Variants in MROH1 observed in about 807,000 individuals in gnomAD.
MROH1 encodes maestro heat-like repeat-containing protein family member 1.
MROH1 carries 117 observed loss-of-function variants against 116.5 expected under a neutral mutation model. The ratio of observed to expected loss-of-function variants is 1.00; its 90% CI spans 0.86 to 1.17. The LOEUF is 1.17. Among genes scored for constraint, MROH1 ranks in the 50% most tolerant of loss-of-function variants. MROH1 has a pLI of 0.00. For synonymous variants in MROH1, 921 were observed against 583.9 expected (o/e 1.58, Z -8.32); for missense variants, 1,873 against 1,338.5 (o/e 1.40, Z -6.23).
At chr8:144,155,214 G>C (rs893551939) in intron 1 of MROH1, among the ~76,000 whole-genome samples, 1 of 152,112 alleles carries the variant, frequency 6.6e-6, no homozygotes, top group East Asian at 1.9e-4. Flanking sequence ...GCCTCCCAAA[G>C]TGCTGGGATT....
chr8:144,171,791 C>T (rs1024576086), intron 4 of MROH1, among the ~76,000 whole-genome samples: 15 of 152,156 alleles, frequency 9.9e-5, no homozygotes, highest in African/African-American at 3.4e-4. Flanking sequence ...ACCTGATGAC[C>T]GCCTGACATT....
Position 144,180,603 on chromosome 8 carries a change from G to A in MROH1, c.562+80G>A. Reference sequence around the variant, plus strand: ...TCCCGGGCATGCCTGTTTTAGGGGGGACAGGTGGGCACTTTAGGCTGCAGG... The same window carrying A: ...TCCCGGGCATGCCTGTTTTAGGGGGAACAGGTGGGCACTTTAGGCTGCAGG... On this transcript the variant is annotated intron_variant, in intron 7 of 43. Transcript: ENST00000326134. The surrounding 1 kb of genome is among the most constrained non-coding windows in gnomAD (Gnocchi z 7.4). The A allele has an allele frequency of 2.9e-6, 4 of 1,367,360 alleles. No individual in the cohort carries two copies. The highest frequency in any genetic ancestry group is 4.0e-6 in the Non-Finnish European group (4 of 990,654). The allele number at this position is 1,367,360 out of a possible 1,614,324, so 84.7% of individuals were successfully genotyped here.
intron 1 of MROH1, among the ~76,000 whole-genome samples, chr8:144,157,779 G>A (rs1047661053): frequency 7.4e-5 from 11 of 148,326 alleles, no homozygotes; most frequent in Non-Finnish European, 1.5e-4. Context: ...CCAGGCTCAC[G>A]TGGTCCTTCC....
intron 1 of MROH1, among the ~76,000 whole-genome samples, chr8:144,151,883 G>A (rs1007423598): frequency 6.6e-5 from 10 of 152,222 alleles, no homozygotes; most frequent in Admixed American, 2.6e-4. Flanking sequence ...CCGCAGCACC[G>A]TGCTGCACTG....
rs1255771800 is a variant in MROH1 at position 144,227,481 on chromosome 8, C to CA, written c.1338+4257dup. On this transcript the variant is annotated intron_variant, in intron 14 of 43. Transcript: ENST00000326134. Reference sequence around the variant, plus strand: ...ACAATCTGGCGAAACCCCATTTCCACAAAAAATACAAAAATTAGCTGGGTA... The same window carrying CA: ...ACAATCTGGCGAAACCCCATTTCCACAAAAAAATACAAAAATTAGCTGGGTA... 3.9e-5 allele frequency among the ~76,000 whole-genome samples: 6 copies of CA among 152,024 alleles called. No individual in the cohort carries two copies. In the South Asian group the frequency reaches 6.2e-4, roughly 16 times the overall value.
At position 144,223,211 on chromosome 8, in the gene MROH1, C is replaced by T. The variant is rs776791414; in HGVS notation, c.1319C>T (p.Ala440Val). Residue 440 changes from alanine (A) to valine (V), a missense_variant, in exon 14 of 44, where the codon GCG (alanine) becomes GTG (valine). Transcript: ENST00000326134. ...ATCGAGTACATCGTGCAGCAGTGCG[C>T]GCTGCCCCCCGAGCAGGAGGTAAGG... ...AMIEYIVQQC[A>V]LPPEQEPEKP... 83 of 1,606,584 alleles carry T rather than the reference C, an allele frequency of 5.2e-5. No homozygotes were observed. Among genetic ancestry groups the T allele is most frequent in the Non-Finnish European group, 6.5e-5 (76 of 1,177,060 alleles).
chr8:144,192,439 C>A, intron 10 of MROH1, 38 bp downstream of exon 10: 1 of 1,517,776 alleles, frequency 6.6e-7, no homozygotes, highest in Non-Finnish European at 8.9e-7. Flanking sequence ...CCAGGTTCTG[C>A]ACACCCTTCC....
intron 32 of MROH1, among the ~76,000 whole-genome samples, chr8:144,249,697 T>C (rs1842515295): frequency 9.2e-6 from 1 of 109,214 alleles, no homozygotes; most frequent in East Asian, 2.7e-4. Context: ...AGTCGCAAAC[T>C]CACAGCCCCC....
chr8:144,255,317 C>T (rs958066616), intron 34 of MROH1, among the ~76,000 whole-genome samples, 192 bp from the exon 35 acceptor site: 1 of 152,354 alleles, frequency 6.6e-6, no homozygotes, highest in East Asian at 1.9e-4. Flanking sequence ...GCCCCTCTGT[C>T]CCTGTCTCCT....
At chr8:144,192,707 C>T in intron 10 of MROH1, 1 of 539,298 alleles carries the variant, frequency 1.9e-6, no homozygotes, top group Non-Finnish European at 3.4e-6. Context: ...GCTGAAGTGC[C>T]AGCTGGGGGA....
intron 12 of MROH1, among the ~76,000 whole-genome samples, chr8:144,208,514 T>C (rs994412284): frequency 6.6e-6 from 1 of 151,594 alleles, no homozygotes; most frequent in African/African-American, 2.4e-5. Context: ...ACCAGCCATA[T>C]TGGATGAAGG....
At position 144,244,247 on chromosome 8, in the gene MROH1, C is replaced by G; in HGVS notation, c.2581C>G (p.Gln861Glu). The G allele has an allele frequency of 1.4e-6, 1 of 718,198 alleles. No homozygotes were observed. Among genetic ancestry groups the G allele is most frequent in the Non-Finnish European group, 2.6e-6 (1 of 384,984 alleles). The allele number at this position is 718,198 out of a possible 1,614,324, so 44.5% of individuals were successfully genotyped here. Residue 861 changes from glutamine to glutamate, a missense_variant, in exon 27 of 44, where the codon CAG becomes GAG. Coordinates refer to ENST00000326134, the MANE Select transcript of MROH1 (RefSeq NM_032450.3). ...CTCCGTGGAGCCAGCGCTGGACGAGCAGGCCCGGGCGGATGTGATCCATGG... is the reference window on the plus strand; with the variant it reads ...CTCCGTGGAGCCAGCGCTGGACGAGGAGGCCCGGGCGGATGTGATCCATGG... ...LVSVEPALDE[Q>E]ARADVIHGCL...
At chr8:144,244,063 T>C (rs1841466866) in intron 26 of MROH1, 121 bp downstream of exon 26, 5 of 711,044 alleles carry the variant, frequency 7.0e-6, no homozygotes, top group Middle Eastern at 2.6e-4. Flanking sequence ...CTTGCGTGTG[T>C]GCACGCCTTG....
At chr8:144,226,747 C>T (rs551079660) in intron 14 of MROH1, among the ~76,000 whole-genome samples, 2 of 152,348 alleles carry the variant, frequency 1.3e-5, no homozygotes, top group African/African-American at 2.4e-5. Flanking sequence ...GCCACCATGC[C>T]CAGATGCTTT....
At chr8:144,233,488 T>C (rs1253305999) in intron 14 of MROH1, among the ~76,000 whole-genome samples, 2 of 140,856 alleles carry the variant, frequency 1.4e-5, no homozygotes, top group East Asian at 4.7e-4. Flanking sequence ...CCGCAGCTCC[T>C]GCACCCCACC....
chr8:144,168,262 C>T (rs1361367738), intron 3 of MROH1, 33 bp from the exon 4 acceptor site: 4 of 1,552,620 alleles, frequency 2.6e-6, no homozygotes, highest in South Asian at 1.2e-5. Context: ...GGCGCTTGGG[C>T]CTGAGCATGC....
At chr8:144,170,792 C>A (rs1467561658) in intron 4 of MROH1, among the ~76,000 whole-genome samples, 3 of 152,180 alleles carry the variant, frequency 2.0e-5, no homozygotes, top group Non-Finnish European at 4.4e-5. Context: ...GGGTGCTGGG[C>A]CTCACGGTTT....
intron 4 of MROH1, among the ~76,000 whole-genome samples, chr8:144,169,745 C>T (rs1317693239): frequency 2.0e-5 from 3 of 150,196 alleles, no homozygotes; most frequent in Admixed American, 6.7e-5. Flanking sequence ...CGGGTTCAAG[C>T]GATTCTCCTG....
chr8:144,231,613 T>A (rs1554822911), intron 14 of MROH1, among the ~76,000 whole-genome samples: 5 of 152,174 alleles, frequency 3.3e-5, no homozygotes, highest in Admixed American at 1.3e-4. Flanking sequence ...ATACTGCAGT[T>A]CATAGCACCC....
Sources: gnomAD v4.1 joint callset for allele counts (sites outside exome capture counted in the v4.1 genomes callset) on GRCh38, gnomAD v4.1.1 for gene constraint, Gnocchi (gnomAD v3.1) non-coding constraint, MANE v1.5 for transcripts, NCBI Gene and HGNC (gene_info 2026-07-23, HGNC 2026-07-21) for gene names.